EMP1: variants seen among roughly 807,000 people sequenced by gnomAD.
The protein encoded by EMP1 is tumor-associated membrane protein.
A neutral mutation model predicts 15.7 loss-of-function variants in EMP1; 5 were observed. That is an observed-to-expected ratio of 0.32 (90% confidence interval 0.17 to 0.67). The LOEUF (loss-of-function observed/expected upper bound fraction) is 0.67, where lower values mean the gene tolerates loss of function less well. Ranked by LOEUF, EMP1 falls within the 30% of genes least tolerant of loss-of-function variation. EMP1 has a pLI of 0.74. For missense variants in EMP1, 166 were observed against 194.2 expected (o/e 0.85, Z 0.86); for synonymous variants, 78 against 76.7 (o/e 1.02, Z -0.09).
intron 1 of EMP1, among the ~76,000 whole-genome samples, chr12:13,201,631 G>A (rs1162609947): frequency 6.6e-6 from 1 of 152,110 alleles, no homozygotes; most frequent in African/African-American, 2.4e-5. Context: ...GAGGACCCAC[G>A]GAGCCTCCTC....
intron 1 of EMP1, among the ~76,000 whole-genome samples, chr12:13,203,579 A>G (rs1377055863): frequency 6.6e-6 from 1 of 152,236 alleles, no homozygotes; most frequent in African/African-American, 2.4e-5. Context: ...GAGAAGCATA[A>G]AGCCCATTTC....
intron 1 of EMP1, among the ~76,000 whole-genome samples, chr12:13,202,661 G>T (rs1160418694): frequency 8.5e-5 from 13 of 152,148 alleles, no homozygotes; most frequent in Admixed American, 8.5e-4. Context: ...TATTGTTCGG[G>T]TCTGTTTTGG....
In EMP1 at chr12:13,214,781, C is replaced by T. The variant is rs1043517509; in HGVS notation, c.*90C>T. On this transcript the variant is annotated 3_prime_UTR_variant, in exon 5 of 5. Transcript: ENST00000256951. ...GTGGAGGTTGCTGTACAGGAAAAAC[C>T]GAGATAGGGGAGGGGGGAGGGGGAA... 2.0e-5 allele frequency: 11 copies of T among 559,936 alleles called. No individual in the cohort carries two copies. Among genetic ancestry groups the T allele is most frequent in the African/African-American group, 1.4e-4 (5 of 36,204 alleles). The allele number at this position is 559,936 out of a possible 1,614,324, so 34.7% of individuals were successfully genotyped here.
At chr12:13,210,768 C>T (rs1488483867) in intron 1 of EMP1, among the ~76,000 whole-genome samples, 1 of 152,234 alleles carries the variant, frequency 6.6e-6, no homozygotes, top group Non-Finnish European at 1.5e-5. Context: ...TGCCATGAGG[C>T]ACACAGAGCC....
In EMP1 at chr12:13,213,736, T is replaced by C. The variant is rs771562237; in HGVS notation, c.231T>C (p.Ile77=). Residue 77 remains isoleucine (I), a synonymous_variant, in exon 4 of 5, where the codon ATT becomes ATC. Transcript: ENST00000256951. ...FMILSIIFCV[I]ALLVFVFQLF... ...TTCTCTCTATCATCTTCTGTGTCAT[T>C]GCCCTCCTGGTCTTCGTGTTCCAGC... The C allele has an allele frequency of 2.5e-6, 4 of 1,614,226 alleles. No individual in the cohort carries two copies. The highest frequency in any genetic ancestry group is 3.4e-6 in the Non-Finnish European group (4 of 1,180,054).
chr12:13,200,333 A>G (rs570342174), intron 1 of EMP1, among the ~76,000 whole-genome samples: 9 of 152,238 alleles, frequency 5.9e-5, no homozygotes, highest in East Asian at 3.9e-4. Flanking sequence ...GTCACCACCC[A>G]TCATAGTAAT....
At chr12:13,209,623 C>G (rs892016277) in intron 1 of EMP1, 1 of 152,148 alleles carries the variant, frequency 6.6e-6, no homozygotes, top group South Asian at 2.1e-4. Flanking sequence ...TTTACATAAA[C>G]AATCTGAATT....
In EMP1 at chr12:13,219,377, C is replaced by T. The variant is rs1349706791; in HGVS notation, c.*4686C>T. On this transcript the variant is annotated 3_prime_UTR_variant, in exon 5 of 5. Transcript: ENST00000256951. ...TCAGTGTGGACTTAATCGTCCACAT[C>T]ACTGTCAGCATTTTGGTTAAAACCA... is the stretch of plus-strand genomic sequence containing the variant. 1 of 152,228 alleles carries T rather than the reference C, an allele frequency of 6.6e-6. No homozygotes were observed. Among genetic ancestry groups the T allele is most frequent in the Non-Finnish European group, 1.5e-5 (1 of 68,042 alleles). The allele number at this position is 152,228 out of a possible 1,614,324, so 9.4% of individuals were successfully genotyped here. A position where few individuals can be genotyped will look rare whatever the true frequency, so the allele number is the denominator to read the frequency against.
chr12:13,218,363 ATAGT>A lies in EMP1; in HGVS notation c.*3676_*3679del, dbSNP rs1864232664. The stretch of plus-strand genomic sequence containing the variant: ...AACTCCCTTCAATGTTTACTAAGAA[ATAGT>A]TAGAATATAGCATATCCTGTATAGA... On this transcript the variant is annotated 3_prime_UTR_variant, in exon 5 of 5. Transcript: ENST00000256951. The A allele has an allele frequency of 6.6e-6, 1 of 152,274 alleles. No individual in the cohort carries two copies. The highest frequency in any genetic ancestry group is 2.1e-4 in the South Asian group (1 of 4,838). 9.4% of individuals were successfully genotyped at this position (152,274 alleles called of 1,614,324 possible).
chr12:13,204,099 G>A lies in EMP1; in HGVS notation c.-43+7227G>A, dbSNP rs569344399. ...CTGTTACTTTTGCTGCTTGATTGACGATGTTTCTCCTGGTTGTAAAAACTG... is the reference window on the plus strand; with the variant it reads ...CTGTTACTTTTGCTGCTTGATTGACAATGTTTCTCCTGGTTGTAAAAACTG... On this transcript the variant is annotated intron_variant, in intron 1 of 4. Transcript: ENST00000256951. 5.9e-5 allele frequency among the ~76,000 whole-genome samples: 9 copies of A among 152,170 alleles called. No homozygotes were observed. The South Asian group carries it at 8.3e-4, about 14-fold the overall frequency.
chr12:13,204,691 C>CCT (rs1314162960), intron 1 of EMP1, among the ~76,000 whole-genome samples: 1 of 152,096 alleles, frequency 6.6e-6, no homozygotes, highest in Non-Finnish European at 1.5e-5. Context: ...AGCGGCTACG[C>CCT]CTCTCTCTCT....
chr12:13,209,733 C>G (rs1591708877), intron 1 of EMP1, among the ~76,000 whole-genome samples: 1 of 152,020 alleles, frequency 6.6e-6, no homozygotes, highest in African/African-American at 2.4e-5. Context: ...CTAATTCATC[C>G]TCTGTCTGAT....
chr12:13,214,383 G>A (rs1864194247), intron 4 of EMP1, 151 bp from the exon 5 acceptor site: 2 of 1,059,850 alleles, frequency 1.9e-6, no homozygotes, highest in Admixed American at 2.6e-5. Context: ...TGGCCCAGGG[G>A]ACATCCATCA....
rs772013058 is a variant in EMP1, at chr12:13,211,466, C to T, written c.-42-3C>T. The T allele has an allele frequency of 4.4e-6, 7 of 1,594,844 alleles. No individual in the cohort carries two copies. In the East Asian group the frequency reaches 1.6e-4, roughly 36 times the overall value. On this transcript the variant is annotated splice_region_variant and splice_polypyrimidine_tract_variant and intron_variant, in intron 1 of 4. Coordinates refer to ENST00000256951, the MANE Select transcript of EMP1 (RefSeq NM_001423.3). This position sits in a 1 kb window ranked among gnomAD's most constrained non-coding sequence, Gnocchi z 4.7. Reference sequence around the variant, plus strand: ...GTTTTTGTCCCTTTCTTTTTCTTTTCAGAACTCTCTTTGCTCACAAGTTAC... The same window carrying T: ...GTTTTTGTCCCTTTCTTTTTCTTTTTAGAACTCTCTTTGCTCACAAGTTAC...
In EMP1 at chr12:13,211,771, T is replaced by C. The variant is rs1864166905; in HGVS notation, c.78+183T>C. The C allele has an allele frequency of 3.1e-6, 2 of 648,230 alleles. No homozygotes were observed. Among genetic ancestry groups the C allele is most frequent in the Admixed American group, 2.9e-5 (1 of 34,932 alleles). 40.2% of individuals were successfully genotyped at this position (648,230 alleles called of 1,614,324 possible). ...TAAATAACAGGAGGATAAAAGTGAA[T>C]GTCCACAGGAGTAATCCTGCCAGAG... is the stretch of plus-strand genomic sequence containing the variant. On this transcript the variant is annotated intron_variant, in intron 2 of 4. Transcript: ENST00000256951. The surrounding 1 kb of genome is among the most constrained non-coding windows in gnomAD (Gnocchi z 4.7).
intron 4 of EMP1, 164 bp from the exon 5 acceptor site, chr12:13,214,370 G>C (rs927983709): frequency 9.9e-6 from 9 of 905,038 alleles, no homozygotes; most frequent in African/African-American, 3.4e-5. Flanking sequence ...ATACCGTCGA[G>C]CTTGGCCCAG....
chr12:13,199,451 A>T (rs1383799135), intron 1 of EMP1: 1 of 152,380 alleles, frequency 6.6e-6, no homozygotes, highest in Non-Finnish European at 1.5e-5. Flanking sequence ...AAACTTGTGG[A>T]TGAGGCAAGA....
intron 1 of EMP1, 39 bp downstream of exon 1, chr12:13,196,911 ACTT>A (rs1336156251): frequency 6.6e-6 from 1 of 151,734 alleles, no homozygotes; most frequent in African/African-American, 2.4e-5. Context: ...TCTCAGCAAA[ACTT>A]CTCCTTCCTT....
intron 4 of EMP1, chr12:13,214,119 A>G: frequency 3.3e-6 from 2 of 611,444 alleles, no homozygotes; most frequent in Non-Finnish European, 5.8e-6. Context: ...GTTCTCAGAA[A>G]GATGAAACCA....
Sources: allele counts gnomAD v4.1 joint callset (sites outside exome capture counted in the v4.1 genomes callset), GRCh38; gene constraint gnomAD v4.1.1; non-coding constraint Gnocchi (gnomAD v3.1); transcripts MANE v1.5; gene names NCBI Gene and HGNC (gene_info 2026-07-23, HGNC 2026-07-21).